The following RFTN2 variants were observed in gnomAD, a reference collection of about 807,000 sequenced individuals.
RFTN2 encodes raftlin-2.
Under a neutral mutation model 52.7 loss-of-function variants are expected in RFTN2, and 34 were observed. The ratio of observed to expected loss-of-function variants is 0.64; its 90% CI spans 0.49 to 0.86. RFTN2 has a LOEUF of 0.86. RFTN2 is among the 40% of genes least tolerant of loss of function. The pLI, the probability that RFTN2 is intolerant of heterozygous loss-of-function variation, is 0.00. For synonymous variants in RFTN2, 203 were observed against 217.7 expected, an observed-to-expected ratio of 0.93 and a Z score of 0.59; for missense variants, 536 against 600.1, an observed-to-expected ratio of 0.89 and a Z score of 1.12.
At chr2:197,633,113 T>TGCA (rs1420270507) in intron 4 of RFTN2, among the ~76,000 whole-genome samples, 2 of 152,184 alleles carry the variant, frequency 1.3e-5, no homozygotes, top group African/African-American at 4.8e-5. Flanking sequence ...TCAGAAAACT[T>TGCA]TGAATGGTCC....
chr2:197,587,018 C>T (rs1008486746), intron 8 of RFTN2, among the ~76,000 whole-genome samples: 3 of 152,140 alleles, frequency 2.0e-5, no homozygotes, highest in African/African-American at 7.2e-5. Context: ...CTGGGTCCTC[C>T]CAATTCTTAA....
At chr2:197,645,827 C>T (rs1449847129) in intron 2 of RFTN2, among the ~76,000 whole-genome samples, 1 of 152,106 alleles carries the variant, frequency 6.6e-6, no homozygotes, top group Non-Finnish European at 1.5e-5. Flanking sequence ...GAGTTCGAGA[C>T]CAGCCTGGTC....
Position 197,617,928 on chromosome 2 carries a change from G to A in RFTN2, c.929-7C>T, listed in dbSNP as rs564787155. The A allele has an allele frequency of 5.6e-6, 9 of 1,594,776 alleles. No individual in the cohort carries two copies. In the East Asian group the frequency reaches 1.6e-4, roughly 28 times the overall value. ...GATTTAGGCAAATGTTCCCCTGTGA[G>A]GAAGAGGGTACAATTAAGAAGGGTT... On this transcript the variant is annotated splice_region_variant and splice_polypyrimidine_tract_variant and intron_variant, in intron 5 of 8. Coordinates refer to ENST00000295049, the MANE Select transcript of RFTN2 (RefSeq NM_144629.3).
chr2:197,645,144 A>G (rs1193420392), intron 2 of RFTN2, among the ~76,000 whole-genome samples: 1 of 152,228 alleles, frequency 6.6e-6, no homozygotes, highest in East Asian at 1.9e-4. Flanking sequence ...TCTGTCAACA[A>G]TGGACTGCAT....
At chr2:197,605,105 T>A (rs1212240965) in intron 7 of RFTN2, among the ~76,000 whole-genome samples, 1 of 152,322 alleles carries the variant, frequency 6.6e-6, no homozygotes, top group East Asian at 1.9e-4. Context: ...CAAAAATTGT[T>A]TTAAAATAGT....
rs2087308021 is a variant in RFTN2 at position 197,570,983 on chromosome 2, T to C, written c.*1025A>G. Reference sequence around the variant, plus strand: ...CCTTTATTTTGTAGAATTTTAAAGATTGTTAAAGGCTGGGTCAAGGCAAAG... The same window carrying C: ...CCTTTATTTTGTAGAATTTTAAAGACTGTTAAAGGCTGGGTCAAGGCAAAG... On this transcript the variant is annotated 3_prime_UTR_variant, in exon 9 of 9. Coordinates refer to ENST00000295049, the MANE Select transcript of RFTN2 (RefSeq NM_144629.3). 1 of 152,280 alleles carries C rather than the reference T, an allele frequency of 6.6e-6. No individual in the cohort carries two copies. Among genetic ancestry groups the C allele is most frequent in the Non-Finnish European group, 1.5e-5 (1 of 68,034 alleles). The allele number at this position is 152,280 out of a possible 1,614,324, so 9.4% of individuals were successfully genotyped here. A position where few individuals can be genotyped will look rare whatever the true frequency, so the allele number is the denominator to read the frequency against.
intron 8 of RFTN2, among the ~76,000 whole-genome samples, chr2:197,585,883 A>C (rs1014809938): frequency 2.0e-4 from 31 of 151,990 alleles, no homozygotes; most frequent in African/African-American, 7.3e-4. Context: ...TTCTCCTTAT[A>C]TCAACTCTAC....
intron 1 of RFTN2, among the ~76,000 whole-genome samples, chr2:197,660,361 AATT>A (rs1460846874): frequency 1.3e-5 from 2 of 152,142 alleles, no homozygotes; most frequent in Non-Finnish European, 1.5e-5. Context: ...AATAACATCA[AATT>A]ATTATTGTTT....
chr2:197,632,168 G>C (rs1474284497), intron 4 of RFTN2, among the ~76,000 whole-genome samples: 3 of 152,168 alleles, frequency 2.0e-5, no homozygotes, highest in Non-Finnish European at 4.4e-5. Flanking sequence ...GGTAGGAATG[G>C]GTGGAAGATA....
intron 8 of RFTN2, among the ~76,000 whole-genome samples, chr2:197,583,181 T>A (rs953843467): frequency 2.0e-5 from 3 of 152,204 alleles, no homozygotes; most frequent in African/African-American, 7.2e-5. Flanking sequence ...TATCTGCTAT[T>A]CTACTACCCC....
At chr2:197,627,609 C>G (rs1274571256) in intron 5 of RFTN2, among the ~76,000 whole-genome samples, 2 of 152,144 alleles carry the variant, frequency 1.3e-5, no homozygotes, top group East Asian at 3.9e-4. Context: ...CAAGTGAAGT[C>G]TGAAAAGAAT....
chr2:197,583,161 C>A (rs1389282356), intron 8 of RFTN2, among the ~76,000 whole-genome samples: 1 of 152,202 alleles, frequency 6.6e-6, no homozygotes, highest in Non-Finnish European at 1.5e-5. Flanking sequence ...GAAATCACTT[C>A]TCAGTGTTCT....
intron 1 of RFTN2, among the ~76,000 whole-genome samples, chr2:197,648,922 T>C (rs1257774631): frequency 1.3e-5 from 2 of 152,248 alleles, no homozygotes; most frequent in African/African-American, 4.8e-5. Flanking sequence ...ATTATAGTTA[T>C]TTGTTTATAT....
At chr2:197,585,543 A>G (rs1239306051) in intron 8 of RFTN2, among the ~76,000 whole-genome samples, 1 of 152,026 alleles carries the variant, frequency 6.6e-6, no homozygotes, top group South Asian at 2.1e-4. Flanking sequence ...TCTTATTCTC[A>G]TTCCCATTCT....
intron 5 of RFTN2, among the ~76,000 whole-genome samples, chr2:197,625,293 C>T (rs1462973274): frequency 2.6e-5 from 4 of 152,176 alleles, no homozygotes; most frequent in Non-Finnish European, 5.9e-5. Context: ...TACTTGAACC[C>T]TGGTTTGAAA....
chr2:197,659,479 A>T (rs1232685875), intron 1 of RFTN2, among the ~76,000 whole-genome samples: 34 of 15,990 alleles, frequency 2.1e-3, no homozygotes, highest in African/African-American at 0.012. Context: ...CCATCTCATA[A>T]AAAAAAAAAA....
At chr2:197,653,820 C>T (rs2106259597) in intron 1 of RFTN2, among the ~76,000 whole-genome samples, 1 of 152,318 alleles carries the variant, frequency 6.6e-6, no homozygotes, top group East Asian at 1.9e-4. Flanking sequence ...CTCTCTCAAC[C>T]AACTGCTCAT....
chr2:197,658,456 T>G (rs1445942845), intron 1 of RFTN2, among the ~76,000 whole-genome samples: 2 of 150,402 alleles, frequency 1.3e-5, no homozygotes, highest in African/African-American at 4.9e-5. Context: ...ATTATTGTTT[T>G]TTTTTTTTTT....
At chr2:197,667,999 G>C (rs1487151201) in intron 1 of RFTN2, among the ~76,000 whole-genome samples, 1 of 152,094 alleles carries the variant, frequency 6.6e-6, no homozygotes, top group African/African-American at 2.4e-5. Flanking sequence ...AGCCAGTGTG[G>C]CATGGGTGAT....
Sources: allele counts gnomAD v4.1 joint callset (sites outside exome capture counted in the v4.1 genomes callset), GRCh38; gene constraint gnomAD v4.1.1; transcripts MANE v1.5; gene names NCBI Gene and HGNC (gene_info 2026-07-23, HGNC 2026-07-21).